The following LRSAM1 variants were observed in gnomAD, a reference collection of about 807,000 sequenced individuals.
LRSAM1 encodes E3 ubiquitin-protein ligase LRSAM1.
In LRSAM1, 96 loss-of-function variants were observed where a neutral mutation model predicts 118.1. The ratio of observed to expected loss-of-function variants is 0.81; its 90% CI spans 0.69 to 0.96. The LOEUF (loss-of-function observed/expected upper bound fraction) is 0.96, where lower values mean the gene tolerates loss of function less well. Ranked by LOEUF, LRSAM1 falls within the 40% of genes least tolerant of loss-of-function variation. The pLI is 0.00. For synonymous variants in LRSAM1, 322 were observed against 364.2 expected (o/e 0.88, Z 1.32); for missense variants, 804 against 915.5 (o/e 0.88, Z 1.57).
chr9:127,495,811 C>T (rs1156851768), intron 22 of LRSAM1, among the ~76,000 whole-genome samples, 153 bp from the exon 23 acceptor site: 1 of 152,228 alleles, frequency 6.6e-6, no homozygotes, highest in Non-Finnish European at 1.5e-5. Context: ...ATCTATCTAT[C>T]TATCTCTGTG....
intron 14 of LRSAM1, 73 bp from the exon 15 acceptor site, chr9:127,481,110 G>T: frequency 6.5e-7 from 1 of 1,541,462 alleles, no homozygotes. Flanking sequence ...AAGCCCCTCT[G>T]CACAGCTAAC....
chr9:127,500,336 G>C (rs1216230438), intron 24 of LRSAM1, among the ~76,000 whole-genome samples: 7 of 123,564 alleles, frequency 5.7e-5, no homozygotes, highest in East Asian at 2.1e-4. Context: ...ACTCCAGCCT[G>C]GGTGACAGAG....
chr9:127,466,504 A>ATATATATATAT (rs1554755061), intron 9 of LRSAM1, among the ~76,000 whole-genome samples: 18 of 24,528 alleles, frequency 7.3e-4, no homozygotes, highest in Middle Eastern at 0.071. Flanking sequence ...ATATATATAT[A>ATATATATATAT]TTTTTTTTTT....
intron 21 of LRSAM1, among the ~76,000 whole-genome samples, chr9:127,493,320 C>T (rs948875494): frequency 6.6e-6 from 1 of 152,168 alleles, no homozygotes; most frequent in African/African-American, 2.4e-5. Context: ...CCTTGGCCTC[C>T]GAAAGTGCTG....
In LRSAM1 at chr9:127,473,873, C is replaced by G; in HGVS notation, c.692C>G (p.Ser231Cys). Residue 231 changes from serine to cysteine, a missense_variant, in exon 11 of 26, where the codon TCT (serine) becomes TGT (cysteine). Coordinates refer to ENST00000300417, the MANE Select transcript of LRSAM1 (RefSeq NM_001005373.4). ...CTGGAGCAAGATGGAATCGAGAACTCTCGGGACAGCCCTGATGGGCCCACG... is the reference window on the plus strand; with the variant it reads ...CTGGAGCAAGATGGAATCGAGAACTGTCGGGACAGCCCTGATGGGCCCACG... Reference protein sequence around the residue: ...PILEQDGIENSRDSPDGPTDR... With the variant: ...PILEQDGIENCRDSPDGPTDR... 1 of 1,614,242 alleles carries G rather than the reference C, an allele frequency of 6.2e-7. No individual in the cohort carries two copies. The highest frequency in any genetic ancestry group is 8.5e-7 in the Non-Finnish European group (1 of 1,180,044).
intron 11 of LRSAM1, among the ~76,000 whole-genome samples, chr9:127,475,232 G>A (rs528338329): frequency 2.0e-5 from 3 of 152,070 alleles, no homozygotes; most frequent in Admixed American, 6.6e-5. Flanking sequence ...GAAAACCATC[G>A]CAATAGAAAA....
At chr9:127,495,929 C>T (rs1836118301) in intron 22 of LRSAM1, 35 bp from the exon 23 acceptor site, 2 of 1,609,606 alleles carry the variant, frequency 1.2e-6, no homozygotes, top group Non-Finnish European at 1.7e-6. Flanking sequence ...TTCTTTTCTT[C>T]CTTCCTGCTC....
intron 17 of LRSAM1, 34 bp from the exon 18 acceptor site, chr9:127,487,642 C>G: frequency 1.2e-6 from 2 of 1,602,482 alleles, no homozygotes; most frequent in South Asian, 2.2e-5. Context: ...GGGAAACGTT[C>G]CAAGAATGAA....
rs1834322975 is a variant in LRSAM1 at position 127,451,560 on chromosome 9, G to A, written c.-298G>A. The A allele has an allele frequency of 8.7e-6, 5 of 571,508 alleles. No homozygotes were observed. The highest frequency in any genetic ancestry group is 5.6e-5 in the African/African-American group (3 of 53,268). The allele number at this position is 571,508 out of a possible 1,614,324, so 35.4% of individuals were successfully genotyped here. ...CGGCTGGCAAGCAGGGCACCGCGGT[G>A]CGCTGAAGCTAGAGATTCCGAAAGG... On this transcript the variant is annotated 5_prime_UTR_variant, in exon 1 of 26. Transcript: ENST00000300417.
rs765686374 is a variant in LRSAM1 at position 127,457,403 on chromosome 9, C to A, written c.252+10C>A. ...TCTGGCAACCATCAAGGTACTGGGC[C>A]CTCCTCCCAGGCAGCTGGGGCTCTG... On this transcript the variant is annotated intron_variant, in intron 6 of 25. Coordinates refer to ENST00000300417, the MANE Select transcript of LRSAM1 (RefSeq NM_001005373.4). 1.6e-5 allele frequency: 26 copies of A among 1,613,754 alleles called. No individual in the cohort carries two copies. Among genetic ancestry groups the A allele is most frequent in the Non-Finnish European group, 2.0e-5 (24 of 1,179,792 alleles).
chr9:127,492,112 G>A (rs1164225029), intron 20 of LRSAM1, among the ~76,000 whole-genome samples: 1 of 152,226 alleles, frequency 6.6e-6, no homozygotes, highest in Non-Finnish European at 1.5e-5. Context: ...TGCACCGCAG[G>A]TGTGCTGTGT....
chr9:127,460,038 T>C (rs887625670), intron 7 of LRSAM1, among the ~76,000 whole-genome samples: 1 of 150,962 alleles, frequency 6.6e-6, no homozygotes. Flanking sequence ...TCTCGCTCTA[T>C]CACCAGGCTG....
At chr9:127,467,875 C>T (rs564420811) in intron 10 of LRSAM1, 45 bp downstream of exon 10, 2 of 1,525,426 alleles carry the variant, frequency 1.3e-6, no homozygotes, top group African/African-American at 1.4e-5. Flanking sequence ...GGAACTATGA[C>T]CCCCATGGCC....
rs1359751742 is a variant in LRSAM1 at position 127,495,979 on chromosome 9, C to A, written c.1714C>A (p.Arg572Ser). 6.2e-7 allele frequency: 1 copy of A among 1,612,764 alleles called. No homozygotes were observed. Among genetic ancestry groups the A allele is most frequent in the Admixed American group, 1.7e-5 (1 of 59,996 alleles). Reference protein sequence around the residue: ...SLKLQEEGMERQLVALLEELS... With the variant: ...SLKLQEEGMESQLVALLEELS... ...TGTCTTGCAGGAAGAGGGGATGGAGCGCCAGCTGGTGGCCCTCCTGGAGGA... is the reference window on the plus strand; with the variant it reads ...TGTCTTGCAGGAAGAGGGGATGGAGAGCCAGCTGGTGGCCCTCCTGGAGGA... The change falls in exon 23 of 26, where the codon CGC becomes AGC. Residue 572 changes from arginine (R) to serine (S), a missense_variant. Coordinates refer to ENST00000300417, the MANE Select transcript of LRSAM1 (RefSeq NM_001005373.4).
intron 24 of LRSAM1, among the ~76,000 whole-genome samples, chr9:127,497,901 G>T (rs1836216792): frequency 6.6e-6 from 1 of 152,248 alleles, no homozygotes; most frequent in Admixed American, 6.5e-5. Flanking sequence ...CATCCCGTGA[G>T]GAGGCACTGT....
chr9:127,467,844 G>T lies in LRSAM1; in HGVS notation c.619+14G>T, dbSNP rs770398029. ...TCCTCTGCAAAGGTAAAGCCAGGCC[G>T]CTGCCTCCTCCCCTCATTGAGGAAC... On this transcript the variant is annotated intron_variant, in intron 10 of 25. Coordinates refer to ENST00000300417, the MANE Select transcript of LRSAM1 (RefSeq NM_001005373.4). The T allele has an allele frequency of 2.6e-6, 4 of 1,566,308 alleles. No homozygotes were observed. The highest frequency in any genetic ancestry group is 3.5e-6 in the Non-Finnish European group (4 of 1,158,290).
Position 127,482,980 on chromosome 9 carries a change from C to A in LRSAM1, c.1119C>A (p.Thr373=), listed in dbSNP as rs1835594332. The A allele has an allele frequency of 1.3e-6, 2 of 1,575,200 alleles. No homozygotes were observed. Among genetic ancestry groups the A allele is most frequent in the South Asian group, 1.2e-5 (1 of 86,074 alleles). ...GAATGGAACAGTTGATGTCCATAACCCAGGAGGAGACTGAGAGCCTGCGGC... is the reference window on the plus strand; with the variant it reads ...GAATGGAACAGTTGATGTCCATAACACAGGAGGAGACTGAGAGCCTGCGGC... ...RIRMEQLMSI[T]QEETESLRRR... Residue 373 remains threonine, a synonymous_variant, in exon 16 of 26, where the codon ACC becomes ACA. Transcript: ENST00000300417.
In LRSAM1 at chr9:127,459,148, G is replaced by A. The variant is rs555018250; in HGVS notation, c.321+77G>A. On this transcript the variant is annotated intron_variant, in intron 7 of 25. Coordinates refer to ENST00000300417, the MANE Select transcript of LRSAM1 (RefSeq NM_001005373.4). ...CAGTCACTCAAGCCTGGAATGTTCTGGCCGGGCTCCAGCCAGTGGAAGCAG... is the reference window on the plus strand; with the variant it reads ...CAGTCACTCAAGCCTGGAATGTTCTAGCCGGGCTCCAGCCAGTGGAAGCAG... The A allele has an allele frequency of 5.4e-5, 78 of 1,438,154 alleles. No homozygotes were observed. In the South Asian group the frequency reaches 7.8e-4, roughly 14 times the overall value. The allele number at this position is 1,438,154 out of a possible 1,614,324, so 89.1% of individuals were successfully genotyped here. A position where few individuals can be genotyped will look rare whatever the true frequency, so the allele number is the denominator to read the frequency against.
rs1834560472 is a variant in LRSAM1, at chr9:127,457,402, C to T, written c.252+9C>T. ...GTCTGGCAACCATCAAGGTACTGGG[C>T]CCTCCTCCCAGGCAGCTGGGGCTCT... On this transcript the variant is annotated intron_variant, in intron 6 of 25. Transcript: ENST00000300417. 2 of 1,613,808 alleles carry T rather than the reference C, an allele frequency of 1.2e-6. No homozygotes were observed. The highest frequency in any genetic ancestry group is 1.1e-5 in the South Asian group (1 of 91,058).
Sources: allele counts gnomAD v4.1 joint callset (sites outside exome capture counted in the v4.1 genomes callset), GRCh38; gene constraint gnomAD v4.1.1; transcripts MANE v1.5; gene names NCBI Gene and HGNC (gene_info 2026-07-23, HGNC 2026-07-21).